Variants in ANKRD44 observed in about 807,000 individuals in gnomAD.
ANKRD44 encodes serine/threonine-protein phosphatase 6 regulatory ankyrin repeat subunit B.
A neutral mutation model predicts 116.0 loss-of-function variants in ANKRD44; 35 were observed. The ratio of observed to expected loss-of-function variants is 0.30; its 90% CI spans 0.23 to 0.40. ANKRD44 has a LOEUF of 0.40. Ranked by LOEUF, ANKRD44 falls within the 10% of genes least tolerant of loss-of-function variation. ANKRD44 has a pLI of 1.00. For synonymous variants in ANKRD44, 435 were observed against 461.8 expected (o/e 0.94, Z 0.74); for missense variants, 1,014 against 1,242.6 (o/e 0.82, Z 2.77).
chr2:196,969,585 G>A (rs901220792), intron 21 of ANKRD44, among the ~76,000 whole-genome samples: 2 of 152,186 alleles, frequency 1.3e-5, no homozygotes, highest in Admixed American at 6.5e-5. Flanking sequence ...ACAACAGAAA[G>A]TGATATACCA....
intron 1 of ANKRD44, among the ~76,000 whole-genome samples, chr2:197,281,186 T>G (rs371700093): frequency 6.6e-6 from 1 of 152,228 alleles, no homozygotes; most frequent in East Asian, 1.9e-4. Context: ...TGTCCATCTT[T>G]GGAGGGACTT....
At chr2:197,034,274 G>A (rs2076766997) in intron 16 of ANKRD44, among the ~76,000 whole-genome samples, 1 of 152,038 alleles carries the variant, frequency 6.6e-6, no homozygotes, top group Non-Finnish European at 1.5e-5. Flanking sequence ...AAAGCAATGA[G>A]TTCTGCACAT....
chr2:196,983,596 T>C (rs1353672970), downstream of ANKRD44, among the ~76,000 whole-genome samples: 2 of 152,250 alleles, frequency 1.3e-5, no homozygotes, highest in African/African-American at 4.8e-5. Flanking sequence ...TGCTGGGTAC[T>C]TTCAACTCAA....
intron 16 of ANKRD44, among the ~76,000 whole-genome samples, chr2:197,055,867 C>G (rs758217760): frequency 2.2e-4 from 34 of 152,118 alleles, no homozygotes; most frequent in Non-Finnish European, 4.3e-4. Context: ...TATCTTTGCT[C>G]TAATACCATA....
At chr2:197,183,625 G>T (rs2080571466) in intron 2 of ANKRD44, among the ~76,000 whole-genome samples, 1 of 152,168 alleles carries the variant, frequency 6.6e-6, no homozygotes, top group Admixed American at 6.5e-5. Context: ...GATAAGTGTG[G>T]GGTCAAATGA....
intron 8 of ANKRD44, among the ~76,000 whole-genome samples, chr2:197,118,391 C>CCAG (rs1237605877): frequency 1.3e-5 from 2 of 151,508 alleles, no homozygotes; most frequent in Non-Finnish European, 2.9e-5. Flanking sequence ...AGTTAAGAGA[C>CCAG]CAGCCTGGCC....
intron 2 of ANKRD44, among the ~76,000 whole-genome samples, chr2:197,158,040 C>T (rs2079864738): frequency 6.6e-6 from 1 of 152,166 alleles, no homozygotes; most frequent in Non-Finnish European, 1.5e-5. Flanking sequence ...GGAAACAGAA[C>T]ATGGGAAAGG....
Position 197,296,265 on chromosome 2 carries a change from C to A in ANKRD44, c.27+14313G>T, listed in dbSNP as rs144234006. The A allele has an allele frequency of 4.6e-5, 7 of 152,254 alleles. No individual in the cohort carries two copies. In the East Asian group the frequency reaches 1.4e-3, roughly 29 times the overall value. 9.4% of individuals were successfully genotyped at this position (152,254 alleles called of 1,614,324 possible). A position where few individuals can be genotyped will look rare whatever the true frequency, so the allele number is the denominator to read the frequency against. On this transcript the variant is annotated intron_variant, in intron 1 of 27. Transcript: ENST00000282272. ...TGTCACCTACACTCATTCTGAAGGT[C>A]CTATATCAGCCACTAGGACCTTTTG... is the stretch of plus-strand genomic sequence containing the variant.
intron 2 of ANKRD44, among the ~76,000 whole-genome samples, chr2:197,178,144 G>T (rs1287035901): frequency 6.6e-6 from 1 of 152,170 alleles, no homozygotes; most frequent in Non-Finnish European, 1.5e-5. Flanking sequence ...GTTGGGATTT[G>T]ATTTTCATCT....
intron 21 of ANKRD44, among the ~76,000 whole-genome samples, chr2:196,967,866 G>A (rs571732668): frequency 3.3e-5 from 5 of 152,126 alleles, no homozygotes; most frequent in Non-Finnish European, 4.4e-5. Context: ...CTGGAGGTGG[G>A]GTGGGAGGTG....
intron 16 of ANKRD44, among the ~76,000 whole-genome samples, chr2:197,076,895 C>A (rs1460469511): frequency 2.0e-5 from 3 of 152,120 alleles, no homozygotes; most frequent in Non-Finnish European, 4.4e-5. Flanking sequence ...TGTCTTTATC[C>A]AGTCTACTGT....
intron 16 of ANKRD44, among the ~76,000 whole-genome samples, chr2:197,056,631 T>C (rs2077208936): frequency 6.6e-6 from 1 of 152,172 alleles, no homozygotes. Context: ...TTTTATAGTT[T>C]TAATGGAAAT....
intron 17 of ANKRD44, among the ~76,000 whole-genome samples, chr2:197,024,115 C>T (rs562003130): frequency 4.4e-4 from 67 of 152,268 alleles, no homozygotes; most frequent in African/African-American, 1.6e-3. Context: ...GCCTTGTCTC[C>T]GCTCTCTTGC....
chr2:196,991,051 AG>A, intron 27 of ANKRD44: 1 of 868,344 alleles, frequency 1.2e-6, no homozygotes, highest in Non-Finnish European at 1.5e-6. Flanking sequence ...AAATCATGCC[AG>A]GTAAAACGAG....
At chr2:197,077,951 C>T (rs1221562737) in intron 16 of ANKRD44, 2 of 151,976 alleles carry the variant, frequency 1.3e-5, no homozygotes, top group Non-Finnish European at 2.9e-5. Flanking sequence ...AAAACTCTTA[C>T]TTGAATAACA....
chr2:197,191,491 G>C lies in ANKRD44; in HGVS notation c.28-4385C>G, dbSNP rs534684759. The stretch of plus-strand genomic sequence containing the variant: ...CTTTCTCTACCCACATCCCCTATCG[G>C]CACATCCAATAAAATATTCTGTTTT... On this transcript the variant is annotated intron_variant, in intron 1 of 27. Transcript: ENST00000282272. Among the ~76,000 whole-genome samples the C allele has an allele frequency of 1.3e-5, 2 of 152,222 alleles. 1 individual carries two copies. The highest frequency in any genetic ancestry group is 1.3e-4 in the Admixed American group (2 of 15,280).
chr2:197,239,901 T>C (rs1025708844), intron 1 of ANKRD44, among the ~76,000 whole-genome samples: 1 of 152,208 alleles, frequency 6.6e-6, no homozygotes, highest in African/African-American at 2.4e-5. Context: ...ATCTGCTTCT[T>C]CTCAAATGTC....
intron 21 of ANKRD44, among the ~76,000 whole-genome samples, chr2:196,968,653 A>T (rs1019621425): frequency 6.6e-5 from 10 of 152,172 alleles, no homozygotes; most frequent in African/African-American, 2.4e-4. Flanking sequence ...CTCTCTGAAC[A>T]TACCTCATTT....
In ANKRD44 at chr2:197,127,463, G is replaced by A. The variant is rs1196235674; in HGVS notation, c.262-1426C>T. Among the ~76,000 whole-genome samples, 3 of 152,098 alleles carry A rather than the reference G, an allele frequency of 2.0e-5. No individual in the cohort carries two copies. In the East Asian group the frequency reaches 5.8e-4, roughly 29 times the overall value. On this transcript the variant is annotated intron_variant, in intron 4 of 27. Coordinates refer to ENST00000282272, the MANE Select transcript of ANKRD44 (RefSeq NM_001195144.2). ...CTCTTTAACTTGGTTTTACAAGGGA[G>A]TAATTTGATGGCTATTTAGGGAATT... is the stretch of plus-strand genomic sequence containing the variant.
Sources: allele counts gnomAD v4.1 joint callset (sites outside exome capture counted in the v4.1 genomes callset), GRCh38; gene constraint gnomAD v4.1.1; transcripts MANE v1.5; gene names NCBI Gene and HGNC (gene_info 2026-07-23, HGNC 2026-07-21).